The following ABL1 variants were observed in gnomAD, a reference collection of about 807,000 sequenced individuals.
ABL1 encodes ABL proto-oncogene 1, non-receptor tyrosine kinase.
A neutral mutation model predicts 94.7 loss-of-function variants in ABL1; 11 were observed. The ratio of observed to expected loss-of-function variants is 0.12; its 90% CI spans 0.07 to 0.19. The LOEUF is 0.19. ABL1 is among the 10% of genes least tolerant of loss of function. The pLI is 1.00. For synonymous variants in ABL1, 656 were observed against 622.4 expected (o/e 1.05, Z -0.80); for missense variants, 1,082 against 1,489.4 (o/e 0.73, Z 4.50).
chr9:130,733,728 G>A lies in ABL1; in HGVS notation c.136+19273G>A, dbSNP rs534904014. Among the ~76,000 whole-genome samples, 56 of 151,530 alleles carry A rather than the reference G, an allele frequency of 3.7e-4. No homozygotes were observed. The East Asian group carries it at 7.6e-3, about 21-fold the overall frequency. ...CGAGTAGCTGGGACTACAGGCGCCC[G>A]CCACCGCGCCTGCCACCACGCCCGG... is the stretch of plus-strand genomic sequence containing the variant. On this transcript the variant is annotated intron_variant, in intron 1 of 10. Coordinates refer to the ABL1 transcript ENST00000372348.
chr9:130,813,490 GGA>G (rs1830239406), intron 1 of ABL1, among the ~76,000 whole-genome samples: 1 of 150,068 alleles, frequency 6.7e-6, no homozygotes, highest in Non-Finnish European at 1.5e-5. Context: ...GAACCCGGGA[GGA>G]TGAGGTTGCA....
chr9:130,861,380 C>T lies in ABL1; in HGVS notation c.550-1383C>T, dbSNP rs141038189. On this transcript the variant is annotated intron_variant, in intron 3 of 10. Transcript: ENST00000318560. ...AAAGAAAGAGAAACCTTCCTGTTGA[C>T]GAATCCTTTTTACCTTCTTGAGAGT... 9.2e-3 allele frequency among the ~76,000 whole-genome samples: 1,399 copies of T among 152,304 alleles called. 30 individuals carry two copies. The highest frequency in any genetic ancestry group is 0.032 in the African/African-American group (1,337 of 41,558).
intron 1 of ABL1, among the ~76,000 whole-genome samples, chr9:130,771,240 G>GTGTA (rs60782706): frequency 0.034 from 5,144 of 151,754 alleles, 94 homozygotes; most frequent in Admixed American, 0.04. Context: ...ATGTGTGTGT[G>GTGTA]TGTATGTATG....
chr9:130,760,694 C>T (rs1379113588), intron 1 of ABL1, among the ~76,000 whole-genome samples: 3 of 150,476 alleles, frequency 2.0e-5, no homozygotes, highest in African/African-American at 4.9e-5. Context: ...AATGGAGTCT[C>T]GCTCTGTCGC....
At chr9:130,725,778 TACACACCAA>T (rs1434564051) in intron 1 of ABL1, among the ~76,000 whole-genome samples, 4 of 148,814 alleles carry the variant, frequency 2.7e-5, no homozygotes, top group Non-Finnish European at 6.0e-5. Flanking sequence ...TATATATATA[TACACACCAA>T]ATTTTGTCCA....
chr9:130,850,703 C>T (rs1382966431), intron 1 of ABL1, among the ~76,000 whole-genome samples: 4 of 151,900 alleles, frequency 2.6e-5, no homozygotes, highest in Non-Finnish European at 5.9e-5. Flanking sequence ...GACGGGGTTT[C>T]GCTATGTTGG....
chr9:130,881,542 C>T (rs539110472), intron 10 of ABL1, among the ~76,000 whole-genome samples: 5 of 152,272 alleles, frequency 3.3e-5, no homozygotes, highest in African/African-American at 7.2e-5. Context: ...CATCAGATCT[C>T]GTGAGACTTA....
rs573602038 is a variant in ABL1 at position 130,735,961 on chromosome 9, A to ATATATATTTTTTTT, written c.136+21507_136+21508insATATATTTTTTTTT. Among the ~76,000 whole-genome samples, 45 of 94,824 alleles carry ATATATATTTTTTTT rather than the reference A, an allele frequency of 4.7e-4. 1 individual carries two copies. Among genetic ancestry groups the ATATATATTTTTTTT allele is most frequent in the African/African-American group, 2.4e-3 (38 of 15,668 alleles). The allele number at this position is 94,824 out of a possible 152,430, so 62.2% of individuals were successfully genotyped here. ...TATATATATATATATATATATATAT[A>ATATATATTTTTTTT]TTTTTTTTTTTTAAGACAGGGTCTG... On this transcript the variant is annotated intron_variant, in intron 1 of 10. Transcript: ENST00000372348.
chr9:130,843,242 G>A (rs908458838), intron 1 of ABL1, among the ~76,000 whole-genome samples: 1 of 152,074 alleles, frequency 6.6e-6, no homozygotes, highest in African/African-American at 2.4e-5. Flanking sequence ...GAGAGACTTG[G>A]TCTCTACCCC....
chr9:130,815,050 C>G (rs902731606), intron 1 of ABL1, among the ~76,000 whole-genome samples: 1 of 151,338 alleles, frequency 6.6e-6, no homozygotes, highest in Non-Finnish European at 1.5e-5. Flanking sequence ...AATAATCAGA[C>G]AGGCCGGGCA....
chr9:130,872,940 T>C lies in ABL1; in HGVS notation c.988T>C (p.Cys330Arg). 1 of 1,614,064 alleles carries C rather than the reference T, an allele frequency of 6.2e-7. No homozygotes were observed. The highest frequency in any genetic ancestry group is 8.5e-7 in the Non-Finnish European group (1 of 1,180,008). ...GAACCTCCTGGACTACCTGAGGGAG[T>C]GCAACCGGCAGGAGGTGAACGCCGT... ...YGNLLDYLRE[C>R]NRQEVNAVVL... The change falls in exon 6 of 11, where the codon TGC becomes CGC. Residue 330 changes from cysteine (C) to arginine (R), a missense_variant. Coordinates refer to ENST00000318560, the MANE Select transcript of ABL1 (RefSeq NM_005157.6). The surrounding 1 kb of genome is among the most constrained non-coding windows in gnomAD (Gnocchi z 5.0).
rs751342661 is a variant in ABL1, at chr9:130,835,440, C to G, written c.-7C>G. On this transcript the variant is annotated 5_prime_UTR_variant, in exon 1 of 11. Transcript: ENST00000318560. This position sits in a 1 kb window ranked among gnomAD's most constrained non-coding sequence, Gnocchi z 4.6. ...GGTTCCGGCCCCCGACGTGCTGGCG[C>G]GGGAAAATGTTGGAGATCTGCCTGA... The G allele has an allele frequency of 1.2e-5, 19 of 1,544,738 alleles. No homozygotes were observed. The highest frequency in any genetic ancestry group is 2.0e-5 in the Admixed American group (1 of 50,698).
chr9:130,871,027 T>C (rs568616269), intron 4 of ABL1, among the ~76,000 whole-genome samples: 1 of 152,332 alleles, frequency 6.6e-6, no homozygotes, highest in South Asian at 2.1e-4. Flanking sequence ...CTACGTTTAA[T>C]AGAAAGTTGA....
intron 1 of ABL1, among the ~76,000 whole-genome samples, chr9:130,723,614 C>A (rs1256820812): frequency 6.6e-6 from 1 of 151,990 alleles, no homozygotes; most frequent in Non-Finnish European, 1.5e-5. Context: ...TCTTCCAGTC[C>A]CCCCTCCCTT....
chr9:130,808,612 T>G (rs1243065543), intron 1 of ABL1, among the ~76,000 whole-genome samples: 1 of 152,212 alleles, frequency 6.6e-6, no homozygotes, highest in African/African-American at 2.4e-5. Flanking sequence ...GATAGGGCCT[T>G]CAGACTTGCC....
intron 1 of ABL1, among the ~76,000 whole-genome samples, chr9:130,813,140 G>T (rs182066078): frequency 6.6e-6 from 1 of 152,018 alleles, no homozygotes; most frequent in Non-Finnish European, 1.5e-5. Context: ...ACTTGAACCC[G>T]GGAGGCAGAG....
chr9:130,768,525 G>C (rs1219335794), intron 1 of ABL1, among the ~76,000 whole-genome samples: 1 of 152,176 alleles, frequency 6.6e-6, no homozygotes, highest in Non-Finnish European at 1.5e-5. Context: ...GGCCTCCCCA[G>C]AGCCCTTGCA....
chr9:130,821,695 TCTTGTTGC>T (rs1467740740), intron 1 of ABL1, among the ~76,000 whole-genome samples: 2 of 150,844 alleles, frequency 1.3e-5, no homozygotes, highest in African/African-American at 4.9e-5. Flanking sequence ...GGAGTTTTGC[TCTTGTTGC>T]CTGGGCTGGA....
At chr9:130,764,780 A>G (rs1282594744) in intron 1 of ABL1, among the ~76,000 whole-genome samples, 1 of 151,984 alleles carries the variant, frequency 6.6e-6, no homozygotes. Context: ...ACATGGTGAA[A>G]CCCTGTCTCT....
Sources: gnomAD v4.1 joint callset for allele counts (sites outside exome capture counted in the v4.1 genomes callset) on GRCh38, gnomAD v4.1.1 for gene constraint, Gnocchi (gnomAD v3.1) non-coding constraint, MANE v1.5 for transcripts, NCBI Gene and HGNC (gene_info 2026-07-23, HGNC 2026-07-21) for gene names.